CIT: variants seen among roughly 807,000 people sequenced by gnomAD.
CIT encodes the protein citron rho-interacting serine/threonine kinase.
A neutral mutation model predicts 272.7 loss-of-function variants in CIT; 79 were observed. That is an observed-to-expected ratio of 0.29 (90% CI 0.24 to 0.35). The LOEUF (loss-of-function observed/expected upper bound fraction) is 0.35. Among genes scored for constraint, CIT ranks in the 10% least tolerant of loss-of-function variants. CIT has a pLI of 1.00. For missense variants in CIT, 1,909 were observed against 2,618.3 expected (o/e 0.73, Z 5.91); for synonymous variants, 948 against 995.6 (o/e 0.95, Z 0.90).
chr12:119,731,714 T>C (rs1958455635), intron 26 of CIT, among the ~76,000 whole-genome samples: 1 of 151,522 alleles, frequency 6.6e-6, no homozygotes, highest in African/African-American at 2.4e-5. Context: ...CAAGGATAAA[T>C]TCAAATGCTA....
intron 19 of CIT, among the ~76,000 whole-genome samples, chr12:119,763,025 G>A (rs929211602): frequency 6.6e-6 from 1 of 152,190 alleles, no homozygotes; most frequent in Admixed American, 6.5e-5. Flanking sequence ...TACCCTGGGT[G>A]ATGGAGCAAG....
intron 13 of CIT, among the ~76,000 whole-genome samples, chr12:119,778,098 G>T (rs1440757407): frequency 2.6e-5 from 4 of 152,128 alleles, no homozygotes; most frequent in African/African-American, 9.7e-5. Flanking sequence ...CCTGAAATCT[G>T]GAAGAGTCAC....
intron 10 of CIT, among the ~76,000 whole-genome samples, chr12:119,802,975 C>T (rs1966327543): frequency 6.6e-6 from 1 of 152,126 alleles, no homozygotes; most frequent in Non-Finnish European, 1.5e-5. Flanking sequence ...ACCCAATTGA[C>T]AATTATCATA....
At chr12:119,862,837 A>AG (rs1950392017) in intron 3 of CIT, among the ~76,000 whole-genome samples, 1 of 135,986 alleles carries the variant, frequency 7.4e-6, no homozygotes, top group Non-Finnish European at 1.5e-5. Flanking sequence ...AAAAAAAAAA[A>AG]AAAGAAAAAA....
intron 5 of CIT, among the ~76,000 whole-genome samples, chr12:119,841,990 G>A (rs993763102): frequency 6.6e-6 from 1 of 152,206 alleles, no homozygotes; most frequent in Non-Finnish European, 1.5e-5. Flanking sequence ...GGAAGTCATT[G>A]TAAGGTTAGA....
intron 16 of CIT, among the ~76,000 whole-genome samples, chr12:119,773,944 A>G (rs1053880951): frequency 1.8e-4 from 28 of 152,234 alleles, no homozygotes; most frequent in Non-Finnish European, 3.2e-4. Context: ...AATATGCAGT[A>G]TGTCTATAAA....
rs761146123 is a variant in CIT, at chr12:119,721,374, G to C, written c.3667C>G (p.Leu1223Val). The C allele has an allele frequency of 1.2e-6, 2 of 1,612,042 alleles. No individual in the cohort carries two copies. Among genetic ancestry groups the C allele is most frequent in the Non-Finnish European group, 1.7e-6 (2 of 1,178,334 alleles). ...FRLTQGLQEA[L>V]DRADLLKTER... Reference sequence around the variant, plus strand: ...GTCTTCAGTAGATCAGCCCGATCTAGAGCTTCTTGCAGTCCTTGAGTCAGA... The same window carrying C: ...GTCTTCAGTAGATCAGCCCGATCTACAGCTTCTTGCAGTCCTTGAGTCAGA... The change falls in exon 29 of 48, where the codon CTA (leucine) becomes GTA (valine). Residue 1223 changes from leucine (L) to valine (V), a missense_variant. Physicochemically the swap from Leu to Val is conservative, Grantham distance 32. Transcript: ENST00000392521.
At chr12:119,776,929 C>G in intron 13 of CIT, 87 bp from the exon 14 acceptor site, 1 of 1,375,396 alleles carries the variant, frequency 7.3e-7, no homozygotes, top group African/African-American at 1.4e-5. Context: ...ATTAACCACA[C>G]AGGGAAGATG....
chr12:119,827,289 C>T (rs1487086997), intron 7 of CIT, among the ~76,000 whole-genome samples: 2 of 152,026 alleles, frequency 1.3e-5, no homozygotes, highest in Non-Finnish European at 2.9e-5. Context: ...GCTTGAAGAA[C>T]TGAAAGTAGC....
intron 4 of CIT, among the ~76,000 whole-genome samples, chr12:119,855,419 AAAATAAAT>A (rs781576567): frequency 1.3e-5 from 2 of 151,932 alleles, no homozygotes; most frequent in African/African-American, 2.4e-5. Context: ...ACTCTGTCTC[AAAATAAAT>A]AAATAAATAA....
chr12:119,704,054 T>TC (rs1396371631), intron 41 of CIT, among the ~76,000 whole-genome samples: 1 of 152,108 alleles, frequency 6.6e-6, no homozygotes, highest in Non-Finnish European at 1.5e-5. Context: ...CTTTTTTTTT[T>TC]CCACTGGTTT....
intron 10 of CIT, among the ~76,000 whole-genome samples, chr12:119,798,868 C>T (rs1965956038): frequency 6.6e-6 from 1 of 152,204 alleles, no homozygotes; most frequent in South Asian, 2.1e-4. Context: ...CCGCTAACTC[C>T]CAAAGATGTC....
chr12:119,828,333 A>G (rs751943350), intron 7 of CIT, among the ~76,000 whole-genome samples: 2 of 152,170 alleles, frequency 1.3e-5, no homozygotes, highest in Non-Finnish European at 2.9e-5. Flanking sequence ...AACATTTTTA[A>G]TGACAGTTAA....
rs75334583 is a variant in CIT, at chr12:119,729,972, T to C, written c.3486+523A>G. 1.8e-4 allele frequency among the ~76,000 whole-genome samples: 27 copies of C among 152,318 alleles called. No individual in the cohort carries two copies. In the East Asian group the frequency reaches 5.0e-3, roughly 28 times the overall value. ...AAATCTCCAAAACATTGTTTATGAC[T>C]ATAAATGTAATATGGAGAGGCACAT... On this transcript the variant is annotated intron_variant, in intron 27 of 47. Coordinates refer to ENST00000392521, the MANE Select transcript of CIT (RefSeq NM_001206999.2).
intron 23 of CIT, among the ~76,000 whole-genome samples, chr12:119,743,686 T>C (rs1959167423): frequency 6.6e-6 from 1 of 152,166 alleles, no homozygotes; most frequent in East Asian, 1.9e-4. Context: ...TTATGTAACA[T>C]TAAGAAAGAA....
chr12:119,748,768 T>G (rs1593583375), intron 23 of CIT, among the ~76,000 whole-genome samples: 1 of 152,228 alleles, frequency 6.6e-6, no homozygotes, highest in Non-Finnish European at 1.5e-5. Flanking sequence ...ATTAGTCACT[T>G]GACAGAATCG....
At chr12:119,778,379 G>A (rs911192081) in intron 13 of CIT, among the ~76,000 whole-genome samples, 2 of 152,212 alleles carry the variant, frequency 1.3e-5, no homozygotes, top group African/African-American at 4.8e-5. Flanking sequence ...GAGCATTTAT[G>A]TAATCCAAGG....
chr12:119,776,963 G>T (rs1013193726), intron 13 of CIT, 121 bp from the exon 14 acceptor site: 1 of 1,114,864 alleles, frequency 9.0e-7, no homozygotes. Context: ...GACTGGCAAA[G>T]AAAAGACCTG....
chr12:119,781,669 G>A (rs1474141654), intron 13 of CIT, among the ~76,000 whole-genome samples: 3 of 151,550 alleles, frequency 2.0e-5, no homozygotes, highest in Non-Finnish European at 2.9e-5. Context: ...CGTTTAGAAA[G>A]AAAAAAAAGA....
Sources: allele counts gnomAD v4.1 joint callset (sites outside exome capture counted in the v4.1 genomes callset), GRCh38; gene constraint gnomAD v4.1.1; transcripts MANE v1.5; gene names NCBI Gene and HGNC (gene_info 2026-07-23, HGNC 2026-07-21).